ALK: variants seen among roughly 807,000 people sequenced by gnomAD.
The protein encoded by ALK is ALK tyrosine kinase receptor.
Under a neutral mutation model 163.1 loss-of-function variants are expected in ALK, and 74 were observed. The ratio of observed to expected loss-of-function variants is 0.45; its 90% CI spans 0.38 to 0.55. The LOEUF (loss-of-function observed/expected upper bound fraction) is 0.55. Among genes scored for constraint, ALK ranks in the 20% least tolerant of loss-of-function variants. ALK has a pLI of 0.00. For synonymous variants in ALK, 960 were observed against 843.2 expected, an observed-to-expected ratio of 1.14 and a Z score of -2.40; for missense variants, 2,063 against 2,105.3, an observed-to-expected ratio of 0.98 and a Z score of 0.39.
rs1342433352 is a variant in ALK at position 29,673,496 on chromosome 2, G to A, written c.952+21354C>T. ...AAAGATCAGATAGTTGTAGATATGC[G>A]GCGTTATTTCTGAGGGCTCTGTTCT... On this transcript the variant is annotated intron_variant, in intron 3 of 28. Transcript: ENST00000389048. 7.0e-3 allele frequency among the ~76,000 whole-genome samples: 688 copies of A among 98,632 alleles called. 11 individuals carry two copies. The highest frequency in any genetic ancestry group is 0.029 in the African/African-American group (608 of 20,800). The allele number at this position is 98,632 out of a possible 152,430, so 64.7% of individuals were successfully genotyped here. A position where few individuals can be genotyped will look rare whatever the true frequency, so the allele number is the denominator to read the frequency against.
intron 7 of ALK, 150 bp from the exon 8 acceptor site, chr2:29,318,554 A>T: frequency 1.6e-6 from 1 of 629,848 alleles, no homozygotes; most frequent in Non-Finnish European, 2.8e-6. Flanking sequence ...AAGAAAGCCC[A>T]CCTGTCAACA....
chr2:29,625,069 T>A (rs1483628783), intron 3 of ALK, among the ~76,000 whole-genome samples: 3 of 152,152 alleles, frequency 2.0e-5, no homozygotes, highest in African/African-American at 4.8e-5. Context: ...GGGGAGGCAG[T>A]CAGAGGGGCA....
rs1232933187 is a variant in ALK at position 29,430,996 on chromosome 2, C to CT, written c.1155-47138dup. 7.8e-3 allele frequency among the ~76,000 whole-genome samples: 1,069 copies of CT among 137,102 alleles called. 5 individuals are homozygous for CT. The highest frequency in any genetic ancestry group is 0.014 in the African/African-American group (542 of 37,690). The allele number at this position is 137,102 out of a possible 152,430, so 89.9% of individuals were successfully genotyped here. A position where few individuals can be genotyped will look rare whatever the true frequency, so the allele number is the denominator to read the frequency against. On this transcript the variant is annotated intron_variant, in intron 4 of 28. Transcript: ENST00000389048. ...GGCTGCACTAGAAGGCAAGGCGAGG[C>CT]TTTTTTTTTTTTTTTCTTCTGTATC...
chr2:29,221,172 A>G (rs530104049), intron 22 of ALK: 5 of 550,428 alleles, frequency 9.1e-6, no homozygotes, highest in South Asian at 4.6e-5. Flanking sequence ...GCTAGAATTC[A>G]TGGTCGATTT....
At chr2:29,577,691 G>T (rs1674563264) in intron 3 of ALK, among the ~76,000 whole-genome samples, 1 of 152,220 alleles carries the variant, frequency 6.6e-6, no homozygotes, top group South Asian at 2.1e-4. Context: ...AGGAGTGACT[G>T]GCTCCTCACC....
intron 16 of ALK, among the ~76,000 whole-genome samples, chr2:29,228,661 G>A (rs1664086427): frequency 6.6e-6 from 1 of 151,892 alleles, no homozygotes; most frequent in Admixed American, 6.6e-5. Context: ...GAATCACATG[G>A]GATCTTGATG....
intron 1 of ALK, among the ~76,000 whole-genome samples, chr2:29,774,062 A>G (rs779666550): frequency 2.6e-5 from 4 of 152,252 alleles, no homozygotes; most frequent in Non-Finnish European, 4.4e-5. Flanking sequence ...TGCTAACCAG[A>G]GCAGCTCACC....
intron 1 of ALK, among the ~76,000 whole-genome samples, chr2:29,776,013 A>T (rs1373100407): frequency 6.6e-6 from 1 of 152,178 alleles, no homozygotes; most frequent in African/African-American, 2.4e-5. Flanking sequence ...GACTTTTCTG[A>T]TTGCCACTTT....
chr2:29,617,226 C>A (rs1350011281), intron 3 of ALK, among the ~76,000 whole-genome samples: 1 of 152,194 alleles, frequency 6.6e-6, no homozygotes, highest in East Asian at 1.9e-4. Flanking sequence ...CACCACACAG[C>A]CCCCCACTTC....
intron 1 of ALK, among the ~76,000 whole-genome samples, chr2:29,882,230 G>A (rs996879742): frequency 2.6e-5 from 4 of 152,078 alleles, no homozygotes; most frequent in East Asian, 1.9e-4. Context: ...CTGTCAGACC[G>A]GAAAGTTTAA....
intron 4 of ALK, among the ~76,000 whole-genome samples, chr2:29,516,047 T>A (rs1032010436): frequency 6.6e-6 from 1 of 152,150 alleles, no homozygotes. Context: ...GCTCTGACAG[T>A]GACAGTGCTG....
At chr2:29,725,901 A>T (rs1054963821) in intron 1 of ALK, among the ~76,000 whole-genome samples, 2 of 152,258 alleles carry the variant, frequency 1.3e-5, no homozygotes, top group Admixed American at 1.3e-4. Flanking sequence ...GTTCCAGGTC[A>T]CTCACTGCAT....
chr2:29,268,267 TA>T (rs1558645967), intron 11 of ALK, among the ~76,000 whole-genome samples: 3 of 152,184 alleles, frequency 2.0e-5, no homozygotes, highest in African/African-American at 7.2e-5. Context: ...TCTGAAATAA[TA>T]GTGTTGATGC....
intron 1 of ALK, among the ~76,000 whole-genome samples, chr2:29,789,415 T>C (rs374164310): frequency 1.3e-5 from 2 of 152,220 alleles, no homozygotes; most frequent in East Asian, 1.9e-4. Context: ...TTTGACTGAT[T>C]CTGTCCAGTG....
chr2:29,358,373 A>G (rs1668302058), intron 5 of ALK, among the ~76,000 whole-genome samples: 1 of 152,254 alleles, frequency 6.6e-6, no homozygotes, highest in African/African-American at 2.4e-5. Context: ...TGAAAAGTAA[A>G]GATGGAGAAA....
intron 8 of ALK, among the ~76,000 whole-genome samples, chr2:29,301,748 G>A (rs1429537946): frequency 6.6e-6 from 1 of 152,174 alleles, no homozygotes; most frequent in Admixed American, 6.5e-5. Flanking sequence ...CTGGGACCAG[G>A]GGCCAGCCAG....
intron 1 of ALK, among the ~76,000 whole-genome samples, chr2:29,889,695 CAGAGAGAGAGAGAGAGAGAGAGAG>C (rs869083201): frequency 0.025 from 2,508 of 101,904 alleles, 121 homozygotes; most frequent in East Asian, 0.044. Flanking sequence ...GATAGATAGA[CAGAGAGAGAGAGAGAGAGAGAGAG>C]AGAGAGAGAG....
At chr2:29,239,008 G>A (rs1445072596) in intron 13 of ALK, among the ~76,000 whole-genome samples, 1 of 152,156 alleles carries the variant, frequency 6.6e-6, no homozygotes, top group African/African-American at 2.4e-5. Context: ...AATTATAGCA[G>A]CCTGTAATTT....
intron 3 of ALK, among the ~76,000 whole-genome samples, chr2:29,618,085 G>A (rs1422417711): frequency 6.6e-6 from 1 of 152,130 alleles, no homozygotes; most frequent in Non-Finnish European, 1.5e-5. Context: ...GCCAAGGAGG[G>A]GTCAAGCCAG....
Sources: gnomAD v4.1 joint callset for allele counts (sites outside exome capture counted in the v4.1 genomes callset) on GRCh38, gnomAD v4.1.1 for gene constraint, MANE v1.5 for transcripts, NCBI Gene and HGNC (gene_info 2026-07-23, HGNC 2026-07-21) for gene names.